RHBDD1: variants seen among roughly 807,000 people sequenced by gnomAD.
RHBDD1 encodes the protein rhomboid domain containing 1, also known as rhomboid-related protein 4.
RHBDD1 carries 38 observed loss-of-function variants against 36.3 expected under a neutral mutation model. The ratio of observed to expected loss-of-function variants is 1.05; its 90% CI spans 0.81 to 1.37. The LOEUF is 1.37. RHBDD1 is among the 40% of genes most tolerant of loss of function. The pLI is 0.00. For synonymous variants in RHBDD1, 151 were observed against 136.5 expected, an observed-to-expected ratio of 1.11 and a Z score of -0.74; for missense variants, 393 against 377.6, an observed-to-expected ratio of 1.04 and a Z score of -0.34.
chr2:226,856,241 T>C (rs765377975), intron 3 of RHBDD1, among the ~76,000 whole-genome samples: 1 of 152,352 alleles, frequency 6.6e-6, no homozygotes, highest in East Asian at 1.9e-4. Context: ...ATGTTTTGCA[T>C]ATAGCAAAGC....
In RHBDD1 at chr2:226,996,690, A is replaced by C. The variant is rs182345283; in HGVS notation, c.*1168A>C. 2.0e-5 allele frequency: 3 copies of C among 152,194 alleles called. No individual in the cohort carries two copies. Among genetic ancestry groups the C allele is most frequent in the Non-Finnish European group, 4.4e-5 (3 of 68,028 alleles). 9.4% of individuals were successfully genotyped at this position (152,194 alleles called of 1,614,324 possible). A position where few individuals can be genotyped will look rare whatever the true frequency, so the allele number is the denominator to read the frequency against. ...AAACATCTGGAAAGAAATATACCCA[A>C]ATCTTAGCAGGGGTTATCTTTGGGA... On this transcript the variant is annotated 3_prime_UTR_variant, in exon 9 of 9. Coordinates refer to ENST00000392062, the MANE Select transcript of RHBDD1 (RefSeq NM_001167608.3).
chr2:226,938,159 G>A (rs545022990), intron 8 of RHBDD1, among the ~76,000 whole-genome samples: 39 of 151,958 alleles, frequency 2.6e-4, no homozygotes, highest in South Asian at 1.7e-3. Context: ...ATGGTATCTC[G>A]TGGTTTTGAT....
intron 6 of RHBDD1, 183 bp downstream of exon 6, chr2:226,907,064 G>C (rs1189898579): frequency 9.1e-6 from 6 of 656,636 alleles, no homozygotes; most frequent in Non-Finnish European, 1.6e-5. Flanking sequence ...CCACAAAAGA[G>C]GCTGCAAACT....
chr2:226,943,600 A>G (rs1950796790), intron 8 of RHBDD1, among the ~76,000 whole-genome samples: 1 of 152,108 alleles, frequency 6.6e-6, no homozygotes, highest in South Asian at 2.1e-4. Context: ...TAGAACACCT[A>G]CTCTCTTCAT....
chr2:226,899,777 T>A (rs968907702), intron 5 of RHBDD1, among the ~76,000 whole-genome samples: 1 of 152,194 alleles, frequency 6.6e-6, no homozygotes, highest in African/African-American at 2.4e-5. Context: ...ACTAGGATAA[T>A]TTTTTACTCT....
intron 8 of RHBDD1, among the ~76,000 whole-genome samples, chr2:226,961,465 T>G (rs998760797): frequency 1.3e-5 from 2 of 152,196 alleles, no homozygotes; most frequent in African/African-American, 4.8e-5. Context: ...AAAAAGATAA[T>G]AATGGTAATG....
intron 8 of RHBDD1, among the ~76,000 whole-genome samples, chr2:226,929,802 G>A (rs1306314839): frequency 6.6e-6 from 1 of 151,932 alleles, no homozygotes; most frequent in Non-Finnish European, 1.5e-5. Flanking sequence ...AAAGTCTTAG[G>A]TTATAAAACT....
chr2:226,896,284 A>G (rs745521041), intron 5 of RHBDD1, among the ~76,000 whole-genome samples: 6 of 152,098 alleles, frequency 3.9e-5, no homozygotes, highest in Non-Finnish European at 7.4e-5. Context: ...CCTTTTCCCA[A>G]TCTTCTGCAT....
chr2:226,827,138 A>G, the RHBDD1 span, among the ~76,000 whole-genome samples: 2 of 151,610 alleles, frequency 1.3e-5, no homozygotes, highest in Non-Finnish European at 2.9e-5. Flanking sequence ...TTGTATATAT[A>G]TATTTTTGTA....
intron 5 of RHBDD1, among the ~76,000 whole-genome samples, chr2:226,902,868 G>T (rs528493109): frequency 1.6e-4 from 24 of 152,244 alleles, no homozygotes; most frequent in Middle Eastern, 3.4e-3. Context: ...ACCATTTAGA[G>T]ATAGATAAGA....
At position 226,966,837 on chromosome 2, in the gene RHBDD1, A is replaced by ATT. The variant is rs56864331; in HGVS notation, c.857-28581_857-28580dup. ...GGCATAGGCCACCACATTCTTTTTA[A>ATT]TTTTTTTTTTTTTTGGTAGAAATGG... On this transcript the variant is annotated intron_variant, in intron 8 of 8. Coordinates refer to ENST00000392062, the MANE Select transcript of RHBDD1 (RefSeq NM_001167608.3). Among the ~76,000 whole-genome samples the ATT allele has an allele frequency of 5.3e-4, 78 of 147,152 alleles. 1 individual carries two copies. Among genetic ancestry groups the ATT allele is most frequent in the Middle Eastern group, 3.5e-3 (1 of 284 alleles).
chr2:226,892,120 A>G (rs115249071), intron 5 of RHBDD1, among the ~76,000 whole-genome samples: 1,625 of 152,332 alleles, frequency 0.011, 26 homozygotes, highest in South Asian at 0.043. Flanking sequence ...TGTATTGCAT[A>G]AGCAGATTCA....
chr2:226,946,531 T>C (rs894565114), intron 8 of RHBDD1, among the ~76,000 whole-genome samples: 1 of 152,098 alleles, frequency 6.6e-6, no homozygotes, highest in Non-Finnish European at 1.5e-5. Flanking sequence ...TGAAAACCCT[T>C]CAAAAAGTTA....
intron 4 of RHBDD1, 66 bp from the exon 5 acceptor site, chr2:226,867,120 C>T (rs1944407697): frequency 7.0e-7 from 1 of 1,431,790 alleles, no homozygotes; most frequent in Non-Finnish European, 9.5e-7. Context: ...AATTAACTTT[C>T]TTTGTAAATG....
chr2:226,974,786 C>T (rs1954260444), intron 8 of RHBDD1, among the ~76,000 whole-genome samples: 1 of 152,160 alleles, frequency 6.6e-6, no homozygotes. Context: ...CTGTACAGTG[C>T]TGAGAGTCGT....
intron 8 of RHBDD1, among the ~76,000 whole-genome samples, chr2:226,960,977 C>T (rs1952152871): frequency 1.3e-5 from 2 of 152,132 alleles, no homozygotes; most frequent in Non-Finnish European, 2.9e-5. Context: ...GAGATTTAGC[C>T]ATCCAGAGCA....
At chr2:226,875,767 A>G (rs1207886846) in intron 5 of RHBDD1, among the ~76,000 whole-genome samples, 1 of 152,210 alleles carries the variant, frequency 6.6e-6, no homozygotes, top group Non-Finnish European at 1.5e-5. Context: ...CAATCTATCC[A>G]TAAATGCTGG....
chr2:226,814,040 GT>G, the RHBDD1 span, among the ~76,000 whole-genome samples: 1 of 152,128 alleles, frequency 6.6e-6, no homozygotes, highest in Non-Finnish European at 1.5e-5. Context: ...TGTCTGATGT[GT>G]TGCCTGCTGT....
chr2:226,903,827 CAGA>C (rs1947801023), intron 5 of RHBDD1, among the ~76,000 whole-genome samples: 1 of 152,072 alleles, frequency 6.6e-6, no homozygotes, highest in African/African-American at 2.4e-5. Flanking sequence ...CCCCAGGCTC[CAGA>C]AGGAGACAAG....
Sources: allele counts gnomAD v4.1 joint callset (sites outside exome capture counted in the v4.1 genomes callset), GRCh38; gene constraint gnomAD v4.1.1; transcripts MANE v1.5; gene names NCBI Gene and HGNC (gene_info 2026-07-23, HGNC 2026-07-21).